The following KREMEN1 variants were observed in gnomAD, a reference collection of about 807,000 sequenced individuals.
The protein encoded by KREMEN1 is kringle containing transmembrane protein 1, also known as kremen protein 1.
KREMEN1 carries 30 observed loss-of-function variants against 46.5 expected under a neutral mutation model. The ratio of observed to expected loss-of-function variants is 0.65; its 90% confidence interval spans 0.48 to 0.88. The LOEUF (loss-of-function observed/expected upper bound fraction) is 0.88. Among genes scored for constraint, KREMEN1 ranks in the 40% least tolerant of loss-of-function variants. The pLI is 0.00. For missense variants in KREMEN1, 533 were observed against 596.9 expected (o/e 0.89, Z 1.11); for synonymous variants, 214 against 230.6 (o/e 0.93, Z 0.65).
At chr22:29,103,940 G>A (rs2038011572) in intron 3 of KREMEN1, among the ~76,000 whole-genome samples, 1 of 152,122 alleles carries the variant, frequency 6.6e-6, no homozygotes, top group African/African-American at 2.4e-5. Context: ...GTAGGGGTAA[G>A]GGAAATAGAT....
Position 29,073,804 on chromosome 22 carries a change from C to T in KREMEN1, c.97+577C>T, listed in dbSNP as rs114780941. Among the ~76,000 whole-genome samples, 1,866 of 151,496 alleles carry T rather than the reference C, an allele frequency of 0.012. 46 individuals carry two copies. Among genetic ancestry groups the T allele is most frequent in the African/African-American group, 0.043 (1,779 of 41,312 alleles). Reference sequence around the variant, plus strand: ...ATCCCGTCCCCAAGTCCCCAGCGACCCCTCCCGGGCCGGGACGACCCCTGC... The same window carrying T: ...ATCCCGTCCCCAAGTCCCCAGCGACTCCTCCCGGGCCGGGACGACCCCTGC... On this transcript the variant is annotated intron_variant, in intron 1 of 8. Transcript: ENST00000400335. This position sits in a 1 kb window ranked among gnomAD's most constrained non-coding sequence, Gnocchi z 4.4.
intron 1 of KREMEN1, among the ~76,000 whole-genome samples, chr22:29,083,428 T>C (rs2037686556): frequency 1.3e-5 from 2 of 152,248 alleles, no homozygotes; most frequent in South Asian, 2.1e-4. Flanking sequence ...GATAGGTTAA[T>C]GGACATTTTT....
chr22:29,146,328 C>T lies in KREMEN1; in HGVS notation c.*4216C>T, dbSNP rs778498945. 4.6e-5 allele frequency: 45 copies of T among 985,758 alleles called. No homozygotes were observed. The highest frequency in any genetic ancestry group is 9.4e-5 in the South Asian group (2 of 21,288). 61.1% of individuals were successfully genotyped at this position (985,758 alleles called of 1,614,324 possible). A position where few individuals can be genotyped will look rare whatever the true frequency, so the allele number is the denominator to read the frequency against. On this transcript the variant is annotated 3_prime_UTR_variant, in exon 9 of 9. Coordinates refer to ENST00000400335, the MANE Select transcript of KREMEN1 (RefSeq NM_001039570.3). ...TGTCTCCCCTCAGGCTGGACGGCTC[C>T]GGGGTGACAGGGCTTCACCCTCTGC...
At chr22:29,086,693 T>C (rs1046564018) in intron 1 of KREMEN1, among the ~76,000 whole-genome samples, 2 of 152,182 alleles carry the variant, frequency 1.3e-5, no homozygotes, top group African/African-American at 4.8e-5. Context: ...CAGTCCGTAT[T>C]TGAAACCCAA....
chr22:29,105,782 G>A (rs2038050329), intron 3 of KREMEN1, among the ~76,000 whole-genome samples: 1 of 152,172 alleles, frequency 6.6e-6, no homozygotes, highest in Non-Finnish European at 1.5e-5. Flanking sequence ...GTTCTCTAGT[G>A]ATTGTATCAT....
At chr22:29,121,250 A>C in intron 3 of KREMEN1, 107 bp from the exon 4 acceptor site, 1 of 1,275,428 alleles carries the variant, frequency 7.8e-7, no homozygotes, top group African/African-American at 1.5e-5. Flanking sequence ...GTACCTCAGG[A>C]GTGGAAATAC....
chr22:29,092,857 C>T (rs1299220396), intron 1 of KREMEN1, among the ~76,000 whole-genome samples: 2 of 152,070 alleles, frequency 1.3e-5, no homozygotes, highest in Non-Finnish European at 2.9e-5. Flanking sequence ...TGCCTGTAAT[C>T]CCAGTTACTA....
At position 29,095,034 on chromosome 22, in the gene KREMEN1, C is replaced by T. The variant is rs1011090966; in HGVS notation, c.260+614C>T. Among the ~76,000 whole-genome samples the T allele has an allele frequency of 2.0e-5, 3 of 152,320 alleles. No homozygotes were observed. The South Asian group carries it at 6.2e-4, about 32-fold the overall frequency. On this transcript the variant is annotated intron_variant, in intron 2 of 8. Coordinates refer to ENST00000400335, the MANE Select transcript of KREMEN1 (RefSeq NM_001039570.3). ...GGGAGGGTTTTCTTAGTTAGCCCTA[C>T]CACCAGTGGACAATACACAGTTAGC... is the stretch of plus-strand genomic sequence containing the variant.
intron 3 of KREMEN1, among the ~76,000 whole-genome samples, chr22:29,099,710 C>G (rs534156306): frequency 2.4e-4 from 36 of 152,084 alleles, no homozygotes; most frequent in South Asian, 4.2e-4. Flanking sequence ...ACCACCACGC[C>G]CAGCTAATTT....
chr22:29,150,056 T>A (rs567733231), downstream of KREMEN1, among the ~76,000 whole-genome samples: 3 of 152,214 alleles, frequency 2.0e-5, no homozygotes, highest in East Asian at 3.8e-4. Context: ...CGGGTCCCGA[T>A]GGGGGATTGT....
intron 9 of KREMEN1, among the ~76,000 whole-genome samples, chr22:29,158,719 A>G (rs2038984670): frequency 6.6e-6 from 1 of 152,240 alleles, no homozygotes; most frequent in Non-Finnish European, 1.5e-5. Context: ...CCTCCAGGGC[A>G]TGGCTGTGGC....
chr22:29,090,115 A>G (rs1218160363), intron 1 of KREMEN1, among the ~76,000 whole-genome samples: 2 of 152,240 alleles, frequency 1.3e-5, no homozygotes, highest in East Asian at 3.8e-4. Flanking sequence ...CCAGGCACAT[A>G]GTATTGAATA....
chr22:29,106,740 G>A (rs126077), intron 3 of KREMEN1, among the ~76,000 whole-genome samples: 81,098 of 151,900 alleles, frequency 0.53, 22,263 homozygotes, highest in Middle Eastern at 0.64. Context: ...GATGGATTCC[G>A]GCTACTGTTG....
intron 3 of KREMEN1, among the ~76,000 whole-genome samples, chr22:29,117,426 G>A (rs1257490547): frequency 6.6e-6 from 1 of 152,096 alleles, no homozygotes; most frequent in Non-Finnish European, 1.5e-5. Context: ...AATTAGCCGG[G>A]CGTGGTGGCG....
chr22:29,141,876 A>G (rs1026618057), intron 8 of KREMEN1, 68 bp from the exon 9 acceptor site: 2 of 1,271,456 alleles, frequency 1.6e-6, no homozygotes, highest in African/African-American at 3.0e-5. Flanking sequence ...TAGATACAGT[A>G]TCTCGTGAGA....
At chr22:29,141,456 T>G (rs560912414) in intron 8 of KREMEN1, among the ~76,000 whole-genome samples, 2 of 152,314 alleles carry the variant, frequency 1.3e-5, no homozygotes, top group African/African-American at 4.8e-5. Context: ...CTAAAGTGCA[T>G]GCCTAACTCT....
intron 8 of KREMEN1, 133 bp from the exon 9 acceptor site, chr22:29,141,811 G>C (rs889651351): frequency 1.7e-6 from 1 of 599,602 alleles, no homozygotes; most frequent in Non-Finnish European, 2.7e-6. Context: ...TAGTCCTTCA[G>C]ATCTTTAGAG....
chr22:29,115,796 G>T (rs2038229487), intron 3 of KREMEN1, among the ~76,000 whole-genome samples: 1 of 152,194 alleles, frequency 6.6e-6, no homozygotes, highest in South Asian at 2.1e-4. Context: ...CTTAAGAAGG[G>T]AATAATATTC....
intron 5 of KREMEN1, among the ~76,000 whole-genome samples, chr22:29,131,606 ATG>A (rs1172615134): frequency 8.4e-5 from 11 of 130,556 alleles, no homozygotes; most frequent in African/African-American, 2.5e-4. Flanking sequence ...ATATGTATAT[ATG>A]TGTGTATATA....
Sources: allele counts gnomAD v4.1 joint callset (sites outside exome capture counted in the v4.1 genomes callset), GRCh38; gene constraint gnomAD v4.1.1; non-coding constraint Gnocchi (gnomAD v3.1); transcripts MANE v1.5; gene names NCBI Gene and HGNC (gene_info 2026-07-23, HGNC 2026-07-21).